Variants in DHX57 observed in about 807,000 individuals in gnomAD.
The protein encoded by DHX57 is DExH-box helicase 57.
In DHX57, 105 loss-of-function variants were observed where a neutral mutation model predicts 156.2. That is an observed-to-expected ratio of 0.67 (90% CI 0.57 to 0.79). The LOEUF (loss-of-function observed/expected upper bound fraction) is 0.79, where lower values mean the gene tolerates loss of function less well. Among genes scored for constraint, DHX57 ranks in the 30% least tolerant of loss-of-function variants. The pLI is 0.00. For missense variants in DHX57, 1,847 were observed against 1,661.9 expected (o/e 1.11, Z -1.94); for synonymous variants, 704 against 595.6 (o/e 1.18, Z -2.65).
intron 23 of DHX57, among the ~76,000 whole-genome samples, chr2:38,800,185 C>T (rs1276352669): frequency 1.1e-5 from 1 of 93,512 alleles, no homozygotes; most frequent in Admixed American, 1.2e-4. Flanking sequence ...AACTCCATCT[C>T]AAAAAAAAAA....
At chr2:38,819,595 A>G (rs6740138) in intron 17 of DHX57, among the ~76,000 whole-genome samples, 16,769 of 152,252 alleles carry the variant, frequency 0.11, 982 homozygotes, top group Middle Eastern at 0.13. Flanking sequence ...ATGAAAGGCA[A>G]TTATGACGGT....
chr2:38,826,114 G>A, intron 15 of DHX57, 67 bp from the exon 16 acceptor site: 4 of 1,489,448 alleles, frequency 2.7e-6, no homozygotes, highest in Non-Finnish European at 3.7e-6. Flanking sequence ...GCTTGCTATG[G>A]ACAGAATAGA....
intron 1 of DHX57, among the ~76,000 whole-genome samples, chr2:38,871,929 C>T (rs1448406022): frequency 3.3e-5 from 5 of 152,018 alleles, no homozygotes; most frequent in African/African-American, 1.2e-4. Context: ...AGGATGGTCT[C>T]GATCTCTTGA....
chr2:38,798,328 T>C lies in DHX57; in HGVS notation c.4132A>G (p.Thr1378Ala). The C allele has an allele frequency of 6.2e-7, 1 of 1,613,858 alleles. No homozygotes were observed. The highest frequency in any genetic ancestry group is 8.5e-7 in the Non-Finnish European group (1 of 1,179,948). Residue 1378 changes from threonine (T) to alanine (A), a missense_variant, in exon 24 of 24, where the codon ACA (threonine) becomes GCA (alanine). Transcript: ENST00000457308. The stretch of plus-strand genomic sequence containing the variant: ...TGTGTGGTGACAAGTTTCACAATTG[T>C]GCTGATGATCCGGGATCCTCGAGGA... ...TCPRGSRIIS[T>A]IVKLVTTQ
rs563137715 is a variant in DHX57 at position 38,869,599 on chromosome 2, T to C, written c.-6-1188A>G. Among the ~76,000 whole-genome samples the C allele has an allele frequency of 1.1e-4, 16 of 152,374 alleles. No homozygotes were observed. In the South Asian group the frequency reaches 1.9e-3, roughly 18 times the overall value. On this transcript the variant is annotated intron_variant, in intron 1 of 23. Coordinates refer to ENST00000457308, the MANE Select transcript of DHX57 (RefSeq NM_198963.3). ...TCAACCATGGGCATACCTAAAGCTG[T>C]ACCTCCCAGAGGAGCAACAACAGAG...
chr2:38,874,100 C>CT (rs35756860), intron 1 of DHX57, among the ~76,000 whole-genome samples: 43,902 of 150,598 alleles, frequency 0.29, 6,750 homozygotes, highest in Admixed American at 0.34. Context: ...TTCTTTCTTT[C>CT]TTTTTTTTTG....
chr2:38,869,653 T>A (rs76971151), intron 1 of DHX57, among the ~76,000 whole-genome samples: 10 of 152,302 alleles, frequency 6.6e-5, no homozygotes, highest in African/African-American at 2.2e-4. Flanking sequence ...GAAATAGACT[T>A]CACTAAAATA....
intron 17 of DHX57, 133 bp from the exon 18 acceptor site, chr2:38,819,277 C>T: frequency 1.3e-6 from 1 of 772,120 alleles, no homozygotes; most frequent in Non-Finnish European, 2.1e-6. Context: ...CAGGCTTAAG[C>T]AATCCTCCTG....
intron 1 of DHX57, among the ~76,000 whole-genome samples, chr2:38,872,050 T>G (rs967023335): frequency 2.0e-5 from 3 of 152,192 alleles, no homozygotes; most frequent in Non-Finnish European, 2.9e-5. Context: ...CCCATGCTAG[T>G]GACATTAAAC....
At chr2:38,865,762 T>A (rs1259574404) in intron 2 of DHX57, among the ~76,000 whole-genome samples, 2 of 152,184 alleles carry the variant, frequency 1.3e-5, no homozygotes, top group Non-Finnish European at 1.5e-5. Flanking sequence ...ACTTTAGCAT[T>A]TATCTATAGA....
chr2:38,852,738 C>T (rs1413894939), intron 9 of DHX57, among the ~76,000 whole-genome samples: 1 of 152,066 alleles, frequency 6.6e-6, no homozygotes, highest in African/African-American at 2.4e-5. Flanking sequence ...CCTCAGCCTC[C>T]TCAGTAGCTG....
chr2:38,835,791 G>C (rs1441473926), intron 13 of DHX57, among the ~76,000 whole-genome samples: 1 of 152,198 alleles, frequency 6.6e-6, no homozygotes, highest in African/African-American at 2.4e-5. Flanking sequence ...ACTGATGCTG[G>C]ACAAAGCTGT....
At chr2:38,811,054 G>T (rs1188128159) in intron 21 of DHX57, 3 of 640,710 alleles carry the variant, frequency 4.7e-6, no homozygotes, top group African/African-American at 3.6e-5. Context: ...GAATCTTCAT[G>T]TAGAGACCTG....
intron 5 of DHX57, 144 bp downstream of exon 5, chr2:38,860,855 T>C (rs1237358424): frequency 1.4e-6 from 1 of 697,938 alleles, no homozygotes; most frequent in East Asian, 2.5e-5. Flanking sequence ...TTCAGGGAAT[T>C]CTCATTCCCT....
At chr2:38,799,750 C>CTCA (rs1669581294) in intron 23 of DHX57, among the ~76,000 whole-genome samples, 1 of 99,114 alleles carries the variant, frequency 1.0e-5, no homozygotes, top group African/African-American at 4.2e-5. Context: ...AACTCCATCT[C>CTCA]AAAAAAAAAA....
Position 38,862,249 on chromosome 2 carries a change from G to A in DHX57, c.468C>T (p.Ser156=), listed in dbSNP as rs766725681. ...ERYWPAGQEP[S]LVPDLDPLEY... The stretch of plus-strand genomic sequence containing the variant: ...CCAAAGGATCCAAGTCGGGAACGAG[G>A]GAAGGTTCCTGTCCAGCTGGCCAGT... Residue 156 remains serine, a synonymous_variant, in exon 4 of 24, where the codon TCC becomes TCT. Transcript: ENST00000457308. 1.2e-5 allele frequency: 19 copies of A among 1,613,750 alleles called. No homozygotes were observed. The Admixed American group carries it at 1.5e-4, about 13-fold the overall frequency.
intron 17 of DHX57, among the ~76,000 whole-genome samples, chr2:38,819,687 T>G (rs183276210): frequency 6.6e-6 from 1 of 152,346 alleles, no homozygotes; most frequent in East Asian, 1.9e-4. Context: ...TAGTTCCAAG[T>G]GGCAAGAGTC....
intron 17 of DHX57, among the ~76,000 whole-genome samples, chr2:38,821,938 T>C (rs996158051): frequency 1.3e-5 from 2 of 152,106 alleles, no homozygotes; most frequent in Non-Finnish European, 2.9e-5. Context: ...CTATCACAAC[T>C]GACTCAAAAT....
In DHX57 at chr2:38,848,166, G is replaced by A. The variant is rs141494307; in HGVS notation, c.2164+103C>T. ...TATGATTTTATGTTATAAATGAATC[G>A]CTTCTCTAGAAAGAGGTATAAATAT... On this transcript the variant is annotated intron_variant, in intron 10 of 23. Coordinates refer to ENST00000457308, the MANE Select transcript of DHX57 (RefSeq NM_198963.3). 1,129 of 1,163,564 alleles carry A rather than the reference G, an allele frequency of 9.7e-4. 10 individuals carry two copies. In the African/African-American group the frequency reaches 0.015, roughly 16 times the overall value. The allele number at this position is 1,163,564 out of a possible 1,614,324, so 72.1% of individuals were successfully genotyped here.
Sources: allele counts gnomAD v4.1 joint callset (sites outside exome capture counted in the v4.1 genomes callset), GRCh38; gene constraint gnomAD v4.1.1; transcripts MANE v1.5; gene names NCBI Gene and HGNC (gene_info 2026-07-23, HGNC 2026-07-21).